LHFPL6: variants seen among roughly 807,000 people sequenced by gnomAD.
LHFPL6 encodes the protein LHFPL tetraspan subfamily member 6.
In LHFPL6, 9 loss-of-function variants were observed where a neutral mutation model predicts 20.6. The ratio of observed to expected loss-of-function variants is 0.44; its 90% CI spans 0.26 to 0.76. The LOEUF is 0.76. LHFPL6 is among the 30% of genes least tolerant of loss of function. The pLI is 0.20. For missense variants in LHFPL6, 218 were observed against 253.5 expected, an observed-to-expected ratio of 0.86 and a Z score of 0.95; for synonymous variants, 105 against 98.7, an observed-to-expected ratio of 1.06 and a Z score of -0.38.
At chr13:39,553,390 C>G (rs970133187) in intron 2 of LHFPL6, among the ~76,000 whole-genome samples, 1 of 152,116 alleles carries the variant, frequency 6.6e-6, no homozygotes, top group African/African-American at 2.4e-5. Context: ...GGAAGTGACA[C>G]TATGTCAGTC....
intron 2 of LHFPL6, among the ~76,000 whole-genome samples, chr13:39,500,764 C>T (rs1279921260): frequency 6.6e-6 from 1 of 152,190 alleles, no homozygotes; most frequent in Non-Finnish European, 1.5e-5. Flanking sequence ...TTTGACACCT[C>T]TTTTAATTTC....
intron 2 of LHFPL6, among the ~76,000 whole-genome samples, chr13:39,417,754 G>C (rs545780556): frequency 6.6e-6 from 1 of 152,156 alleles, no homozygotes; most frequent in Non-Finnish European, 1.5e-5. Flanking sequence ...CTCCTGGGCC[G>C]GGGCAGGGGC....
At chr13:39,475,897 G>A (rs952073984) in intron 2 of LHFPL6, among the ~76,000 whole-genome samples, 7 of 152,176 alleles carry the variant, frequency 4.6e-5, no homozygotes, top group Middle Eastern at 3.4e-3. Flanking sequence ...AGTGAAGGGC[G>A]GAGTGTCTCC....
intron 2 of LHFPL6, among the ~76,000 whole-genome samples, chr13:39,562,569 CAT>C (rs67177911): frequency 2.1e-5 from 2 of 93,048 alleles, no homozygotes; most frequent in Non-Finnish European, 2.5e-5. Flanking sequence ...TACATATACA[CAT>C]ACATATATAC....
chr13:39,365,509 T>C (rs1402290526), intron 3 of LHFPL6, among the ~76,000 whole-genome samples: 1 of 152,212 alleles, frequency 6.6e-6, no homozygotes, highest in Non-Finnish European at 1.5e-5. Context: ...AAGCATAGCC[T>C]TGAGACTCTT....
intron 2 of LHFPL6, among the ~76,000 whole-genome samples, chr13:39,430,799 G>A (rs58723069): frequency 0.17 from 26,504 of 151,982 alleles, 2,646 homozygotes; most frequent in African/African-American, 0.27. Context: ...CTGTAAAAAT[G>A]GACCAATCAG....
rs1017684349 is a variant in LHFPL6, at chr13:39,418,780, C to T, written c.386-40254G>A. Among the ~76,000 whole-genome samples, 5 of 152,282 alleles carry T rather than the reference C, an allele frequency of 3.3e-5. No homozygotes were observed. In the East Asian group the frequency reaches 9.6e-4, roughly 29 times the overall value. ...GACAAAATTAAACAGCTTTGCCTTTCCTATCTTCTACTCTAGTAATCTTTG... is the reference window on the plus strand; with the variant it reads ...GACAAAATTAAACAGCTTTGCCTTTTCTATCTTCTACTCTAGTAATCTTTG... On this transcript the variant is annotated intron_variant, in intron 2 of 3. Transcript: ENST00000379589.
intron 2 of LHFPL6, among the ~76,000 whole-genome samples, chr13:39,570,008 C>G (rs544847192): frequency 6.6e-6 from 1 of 152,270 alleles, no homozygotes; most frequent in Non-Finnish European, 1.5e-5. Context: ...CTTTTCACTT[C>G]AAAATTCTGA....
chr13:39,449,923 T>G (rs1370849153), intron 2 of LHFPL6, among the ~76,000 whole-genome samples: 1 of 152,220 alleles, frequency 6.6e-6, no homozygotes, highest in Non-Finnish European at 1.5e-5. Context: ...CCTGGCTTCT[T>G]CTTATAACAT....
At chr13:39,481,590 A>G (rs1868527892) in intron 2 of LHFPL6, among the ~76,000 whole-genome samples, 1 of 152,140 alleles carries the variant, frequency 6.6e-6, no homozygotes, top group African/African-American at 2.4e-5. Context: ...CAGCACATGA[A>G]GATGTAAGGA....
chr13:39,411,749 C>T (rs772749743), intron 2 of LHFPL6, among the ~76,000 whole-genome samples: 11 of 152,194 alleles, frequency 7.2e-5, no homozygotes, highest in Non-Finnish European at 1.5e-4. Flanking sequence ...GGAAGTAGAA[C>T]TATAGCCCTT....
chr13:39,554,677 A>C (rs1308974253), intron 2 of LHFPL6, among the ~76,000 whole-genome samples: 1 of 152,106 alleles, frequency 6.6e-6, no homozygotes, highest in Non-Finnish European at 1.5e-5. Context: ...AACTTTCAAC[A>C]AGCTGATTCA....
chr13:39,373,922 G>T (rs1428126288), intron 3 of LHFPL6, among the ~76,000 whole-genome samples: 3 of 152,146 alleles, frequency 2.0e-5, no homozygotes, highest in African/African-American at 7.2e-5. Context: ...ATACACTGTT[G>T]GTGGGAATGT....
intron 2 of LHFPL6, among the ~76,000 whole-genome samples, chr13:39,578,860 G>A (rs908093160): frequency 2.0e-5 from 3 of 152,176 alleles, no homozygotes; most frequent in African/African-American, 7.2e-5. Flanking sequence ...AATCAGAGGA[G>A]ACTTCATGGA....
chr13:39,375,136 C>G (rs1870253639), intron 3 of LHFPL6, among the ~76,000 whole-genome samples: 2 of 152,174 alleles, frequency 1.3e-5, no homozygotes, highest in African/African-American at 4.8e-5. Flanking sequence ...CGTGCTGTCT[C>G]CCTTGAGAAG....
intron 2 of LHFPL6, among the ~76,000 whole-genome samples, chr13:39,480,142 C>A (rs541935769): frequency 6.6e-6 from 1 of 152,192 alleles, no homozygotes; most frequent in South Asian, 2.1e-4. Flanking sequence ...CTTCCATGTG[C>A]CAGTTTGAAG....
At chr13:39,446,283 G>A (rs189032635) in intron 2 of LHFPL6, among the ~76,000 whole-genome samples, 2 of 152,240 alleles carry the variant, frequency 1.3e-5, no homozygotes, top group African/African-American at 4.8e-5. Flanking sequence ...ATGTATCTAT[G>A]AGACTCCCAT....
chr13:39,384,328 G>C (rs1870512189), intron 2 of LHFPL6, among the ~76,000 whole-genome samples: 1 of 152,192 alleles, frequency 6.6e-6, no homozygotes, highest in South Asian at 2.1e-4. Context: ...AACCTCCCCT[G>C]AAATGTAGAT....
In LHFPL6 at chr13:39,602,453, G is replaced by A. The variant is rs79122496; in HGVS notation, c.-175+430C>T. Among the ~76,000 whole-genome samples, 308 of 152,220 alleles carry A rather than the reference G, an allele frequency of 2.0e-3. 2 individuals carry two copies. Among genetic ancestry groups the A allele is most frequent in the African/African-American group, 7.2e-3 (297 of 41,514 alleles). ...TTTCTAATCTTGTCAACTGCAGTCA[G>A]GGCTGAAGTTGATCTATCTGGGCCA... On this transcript the variant is annotated intron_variant, in intron 1 of 3. Coordinates refer to ENST00000379589, the MANE Select transcript of LHFPL6 (RefSeq NM_005780.3).
Sources: allele counts gnomAD v4.1 joint callset (sites outside exome capture counted in the v4.1 genomes callset), GRCh38; gene constraint gnomAD v4.1.1; transcripts MANE v1.5; gene names NCBI Gene and HGNC (gene_info 2026-07-23, HGNC 2026-07-21).